SGCE: variants seen among roughly 807,000 people sequenced by gnomAD.
SGCE encodes sarcoglycan epsilon.
In SGCE, 26 loss-of-function variants were observed where a neutral mutation model predicts 57.8. The observed-to-expected ratio is 0.45, with a 90% CI of 0.33 to 0.62. The LOEUF is 0.62. Ranked by LOEUF, SGCE falls within the 20% of genes least tolerant of loss-of-function variation. The pLI, the probability that SGCE is intolerant of heterozygous loss-of-function variation, is 0.02. For synonymous variants in SGCE, 183 were observed against 189.5 expected (o/e 0.97, Z 0.28); for missense variants, 468 against 548.6 (o/e 0.85, Z 1.47).
At chr7:94,608,043 A>C (rs1800426867) in intron 5 of SGCE, among the ~76,000 whole-genome samples, 1 of 152,168 alleles carries the variant, frequency 6.6e-6, no homozygotes, top group African/African-American at 2.4e-5. Context: ...AACAGGTAGA[A>C]CTTGAAATTA....
intron 5 of SGCE, among the ~76,000 whole-genome samples, chr7:94,608,340 A>C (rs142896827): frequency 1.5e-4 from 23 of 152,296 alleles, no homozygotes; most frequent in Non-Finnish European, 2.8e-4. Flanking sequence ...AAAATAAAAT[A>C]CTTAAATATA....
Position 94,623,311 on chromosome 7 carries a change from ATTTTC to A in SGCE, c.463+9_463+13del, listed in dbSNP as rs1803123234. On this transcript the variant is annotated intron_variant, in intron 4 of 10. Transcript: ENST00000648936. The stretch of plus-strand genomic sequence containing the variant: ...CTTATAAATAAGAAATGATCAACAT[ATTTTC>A]ATACCTACCTTCTGCAGACATTATA... 6.7e-7 allele frequency: 1 copy of A among 1,488,838 alleles called. No individual in the cohort carries two copies. Among genetic ancestry groups the A allele is most frequent in the Non-Finnish European group, 9.3e-7 (1 of 1,073,542 alleles). The allele number at this position is 1,488,838 out of a possible 1,614,324, so 92.2% of individuals were successfully genotyped here. A position where few individuals can be genotyped will look rare whatever the true frequency, so the allele number is the denominator to read the frequency against.
At chr7:94,636,148 A>T (rs959555004) in intron 1 of SGCE, among the ~76,000 whole-genome samples, 2 of 152,226 alleles carry the variant, frequency 1.3e-5, no homozygotes, top group African/African-American at 4.8e-5. Flanking sequence ...AGTTTTTCCA[A>T]AGTGGAACTA....
intron 4 of SGCE, chr7:94,621,872 AG>A (rs1802841779): frequency 1.3e-5 from 2 of 152,330 alleles, no homozygotes; most frequent in Non-Finnish European, 2.9e-5. Context: ...GGAGTGGCAG[AG>A]TGGACAGGGA....
intron 1 of SGCE, among the ~76,000 whole-genome samples, chr7:94,642,697 T>C (rs1250628885): frequency 2.0e-5 from 3 of 152,120 alleles, no homozygotes; most frequent in Non-Finnish European, 2.9e-5. Context: ...TACAACCAAT[T>C]TGTAAAAACA....
At chr7:94,635,387 T>A (rs182495702) in intron 1 of SGCE, among the ~76,000 whole-genome samples, 4 of 152,336 alleles carry the variant, frequency 2.6e-5, no homozygotes, top group Non-Finnish European at 5.9e-5. Context: ...GCCACCTATC[T>A]GCTGTATCTT....
chr7:94,650,798 G>C lies in SGCE; in HGVS notation c.109+5192C>G, dbSNP rs1302427176. On this transcript the variant is annotated intron_variant, in intron 1 of 10. Coordinates refer to ENST00000648936, the MANE Select transcript of SGCE (RefSeq NM_003919.3). Reference sequence around the variant, plus strand: ...AATCTATCTGTACCTTTAACCCACCGATGCTAGTTCTACTTTCCGAAGCAA... The same window carrying C: ...AATCTATCTGTACCTTTAACCCACCCATGCTAGTTCTACTTTCCGAAGCAA... Among the ~76,000 whole-genome samples, 4 of 152,288 alleles carry C rather than the reference G, an allele frequency of 2.6e-5. No homozygotes were observed. The East Asian group carries it at 5.8e-4, about 22-fold the overall frequency.
At chr7:94,588,585 C>A in intron 10 of SGCE, 104 bp downstream of exon 10, 21 of 1,550,604 alleles carry the variant, frequency 1.4e-5, no homozygotes, top group Non-Finnish European at 1.7e-5. Context: ...AGTGTTTTGC[C>A]TTATTTGGTG....
rs542673187 is a variant in SGCE, at chr7:94,617,044, G to T, written c.662+1714C>A. On this transcript the variant is annotated intron_variant, in intron 5 of 10. Transcript: ENST00000648936. ...AGCAGGTGTTGGGTGTTGGGGGTCAGTCAGTTAGTGATTGAATTCTCAAAC... is the reference window on the plus strand; with the variant it reads ...AGCAGGTGTTGGGTGTTGGGGGTCATTCAGTTAGTGATTGAATTCTCAAAC... 3 of 152,332 alleles carry T rather than the reference G, an allele frequency of 2.0e-5. No individual in the cohort carries two copies. The South Asian group carries it at 6.2e-4, about 32-fold the overall frequency. The allele number at this position is 152,332 out of a possible 1,614,324, so 9.4% of individuals were successfully genotyped here.
At chr7:94,654,082 A>G (rs976680230) in intron 1 of SGCE, among the ~76,000 whole-genome samples, 1 of 152,104 alleles carries the variant, frequency 6.6e-6, no homozygotes, top group African/African-American at 2.4e-5. Flanking sequence ...AGACTCTATA[A>G]TGTTTACTGG....
chr7:94,649,512 G>T (rs1807585597), intron 1 of SGCE, among the ~76,000 whole-genome samples: 1 of 152,216 alleles, frequency 6.6e-6, no homozygotes, highest in South Asian at 2.1e-4. Context: ...CTGTAGATCA[G>T]CTGAGCGTTG....
chr7:94,589,964 G>A (rs2116582551), intron 9 of SGCE: 1 of 152,336 alleles, frequency 6.6e-6, no homozygotes, highest in East Asian at 1.9e-4. Context: ...AAAGCTTGGG[G>A]ACCACTGTTC....
At chr7:94,614,247 C>T (rs573789069) in intron 5 of SGCE, among the ~76,000 whole-genome samples, 57 of 152,010 alleles carry the variant, frequency 3.7e-4, no homozygotes, top group African/African-American at 1.3e-3. Flanking sequence ...GTTCATGTTC[C>T]TCTTGTTCAT....
At chr7:94,615,283 C>T (rs1251195325) in intron 5 of SGCE, among the ~76,000 whole-genome samples, 1 of 151,990 alleles carries the variant, frequency 6.6e-6, no homozygotes, top group East Asian at 1.9e-4. Flanking sequence ...CGCTTGAACC[C>T]AGGAGGCAGA....
At chr7:94,649,444 C>T (rs925099527) in intron 1 of SGCE, among the ~76,000 whole-genome samples, 1 of 152,120 alleles carries the variant, frequency 6.6e-6, no homozygotes, top group African/African-American at 2.4e-5. Flanking sequence ...ACTTCCAAAG[C>T]AGGGGAGCCA....
At chr7:94,602,657 C>T (rs1157403755) in intron 6 of SGCE, among the ~76,000 whole-genome samples, 1 of 151,690 alleles carries the variant, frequency 6.6e-6, no homozygotes, top group East Asian at 1.9e-4. Flanking sequence ...TATATACAGA[C>T]ATATAATATA....
intron 7 of SGCE, 102 bp downstream of exon 7, chr7:94,600,544 A>G (rs547804745): frequency 1.7e-5 from 14 of 800,912 alleles, no homozygotes; most frequent in East Asian, 1.3e-4. Context: ...ATTCATTTAC[A>G]AAGTGTTTTA....
intron 3 of SGCE, chr7:94,626,883 T>A (rs1353048418): frequency 6.6e-6 from 1 of 152,036 alleles, no homozygotes; most frequent in East Asian, 1.9e-4. Flanking sequence ...CCAAGAGCTA[T>A]TTTTTCTTAT....
At chr7:94,632,921 C>G (rs559840724) in intron 1 of SGCE, among the ~76,000 whole-genome samples, 2 of 152,080 alleles carry the variant, frequency 1.3e-5, no homozygotes, top group Non-Finnish European at 2.9e-5. Context: ...ACAGTTAACA[C>G]ATGTTGCAGT....
Sources: gnomAD v4.1 joint callset for allele counts (sites outside exome capture counted in the v4.1 genomes callset) on GRCh38, gnomAD v4.1.1 for gene constraint, MANE v1.5 for transcripts, NCBI Gene and HGNC (gene_info 2026-07-23, HGNC 2026-07-21) for gene names.